Variants in PDZD2 observed in about 807,000 individuals in gnomAD.
The protein encoded by PDZD2 is PDZ domain-containing protein 2.
A neutral mutation model predicts 220.7 loss-of-function variants in PDZD2; 90 were observed. The observed-to-expected ratio is 0.41, with a 90% CI of 0.34 to 0.49. The LOEUF (loss-of-function observed/expected upper bound fraction) is 0.49, where lower values mean the gene tolerates loss of function less well. PDZD2 is among the 20% of genes least tolerant of loss of function. The pLI, the probability that PDZD2 is intolerant of heterozygous loss-of-function variation, is 0.28. For missense variants in PDZD2, 3,174 were observed against 3,608.5 expected, an observed-to-expected ratio of 0.88 and a Z score of 3.08; for synonymous variants, 1,375 against 1,450.5, an observed-to-expected ratio of 0.95 and a Z score of 1.18.
intron 7 of PDZD2, among the ~76,000 whole-genome samples, chr5:32,040,187 A>T (rs1176096472): frequency 8.9e-6 from 1 of 112,316 alleles, no homozygotes; most frequent in Non-Finnish European, 1.9e-5. Flanking sequence ...CATCTGGGAG[A>T]TGAGGAGCGC....
At chr5:31,903,644 C>CAAAAAAAAAAAAAAAAAAAAA in intron 2 of PDZD2, among the ~76,000 whole-genome samples, 1 of 99,730 alleles carries the variant, frequency 1.0e-5, no homozygotes, top group Non-Finnish European at 2.0e-5. Flanking sequence ...GACCCTGTCT[C>CAAAAAAAAAAAAAAAAAAAAA]AAAAAAAAAA....
intron 1 of PDZD2, among the ~76,000 whole-genome samples, chr5:31,764,490 C>T (rs1332333232): frequency 3.3e-5 from 5 of 152,202 alleles, no homozygotes; most frequent in African/African-American, 1.2e-4. Flanking sequence ...CCCTCCTGCC[C>T]TCCTGTACAC....
chr5:32,082,022 TTTG>T (rs1742005316), intron 19 of PDZD2, among the ~76,000 whole-genome samples: 1 of 128,206 alleles, frequency 7.8e-6, no homozygotes, highest in Non-Finnish European at 1.7e-5. Context: ...CTGGCATATC[TTTG>T]TTTTTTTTTT....
At position 32,090,292 on chromosome 5, in the gene PDZD2, C is replaced by T; in HGVS notation, c.6844C>T (p.Pro2282Ser). 6.2e-6 allele frequency: 10 copies of T among 1,614,204 alleles called. No individual in the cohort carries two copies. The highest frequency in any genetic ancestry group is 8.5e-6 in the Non-Finnish European group (10 of 1,180,036). ...TGGACAGGGCATATATAGTGTAAAGCCGCTGCTGGACACATCGAGGAATCT... is the reference window on the plus strand; with the variant it reads ...TGGACAGGGCATATATAGTGTAAAGTCGCTGCTGGACACATCGAGGAATCT... The part of the protein sequence containing the change: ...ANGQGIYSVK[P>S]LLDTSRNLPA... Residue 2282 changes from proline to serine, a missense_variant, in exon 20 of 25, where the codon CCG becomes TCG. Pro to Ser is a moderately conservative substitution (Grantham distance 74). Around this residue, in one of 4 missense-constraint regions of PDZD2, gnomAD observed 631 missense variants for 789.9 expected, o/e 0.80. Coordinates refer to ENST00000438447, the MANE Select transcript of PDZD2 (RefSeq NM_178140.4). The surrounding 1 kb of genome is among the most constrained non-coding windows in gnomAD (Gnocchi z 4.3).
rs745729211 is a variant in PDZD2, at chr5:32,089,567, C to T, written c.6119C>T (p.Ala2040Val). 108 of 1,612,156 alleles carry T rather than the reference C, an allele frequency of 6.7e-5. No individual in the cohort carries two copies. The South Asian group carries it at 1.0e-3, about 15-fold the overall frequency. ...GACTCCGGGCCGGTGAGTCCGGCAG[C>T]GTCTAGGAACGGCATGTCCGTGGCA... ...RADSGPVSPAASRNGMSVAGN... is the reference protein window; with the variant it reads ...RADSGPVSPAVSRNGMSVAGN... The change falls in exon 20 of 25, where the codon GCG becomes GTG. Residue 2040 changes from alanine to valine, a missense_variant. This residue lies in a region of PDZD2 where 1,861 missense variants were observed against 2,001.0 expected (regional missense o/e 0.93). Coordinates refer to ENST00000438447, the MANE Select transcript of PDZD2 (RefSeq NM_178140.4).
chr5:31,719,275 G>A (rs181099073), intron 1 of PDZD2, among the ~76,000 whole-genome samples: 65 of 152,182 alleles, frequency 4.3e-4, no homozygotes, highest in Non-Finnish European at 8.4e-4. Context: ...CTTTACTAGC[G>A]GAAAATAGGA....
Position 32,074,277 on chromosome 5 carries a change from C to T in PDZD2, c.3171C>T (p.Ala1057=). ...TGGTGGATGCTGCGTCCTATGCAGCCAACCTCACGGACTCTGCAGAGGCCC... is the reference window on the plus strand; with the variant it reads ...TGGTGGATGCTGCGTCCTATGCAGCTAACCTCACGGACTCTGCAGAGGCCC... ...EGMVDAASYA[A]NLTDSAEAPK... Residue 1057 remains alanine (A), a synonymous_variant, in exon 18 of 25, where the codon GCC becomes GCT. Transcript: ENST00000438447. 3 of 1,614,126 alleles carry T rather than the reference C, an allele frequency of 1.9e-6. No homozygotes were observed. The highest frequency in any genetic ancestry group is 1.7e-6 in the Non-Finnish European group (2 of 1,179,958).
At chr5:32,008,876 G>T (rs1009477490) in intron 5 of PDZD2, among the ~76,000 whole-genome samples, 4 of 152,184 alleles carry the variant, frequency 2.6e-5, no homozygotes, top group African/African-American at 9.7e-5. Context: ...CCTTGCCCGC[G>T]TGGGCCTCAG....
At chr5:31,891,794 C>T (rs1741068395) in intron 2 of PDZD2, among the ~76,000 whole-genome samples, 1 of 152,218 alleles carries the variant, frequency 6.6e-6, no homozygotes, top group Non-Finnish European at 1.5e-5. Context: ...GTGCCCAGAT[C>T]ATGCCAGTGT....
rs1453918203 is a variant in PDZD2 at position 31,799,681 on chromosome 5, C to A, written c.433C>A (p.Leu145Met). ...CCGACTGCGGGATGAGATCCTCTCACTGAATGGGCAGCTGATGGTTGGAGT... is the reference window on the plus strand; with the variant it reads ...CCGACTGCGGGATGAGATCCTCTCAATGAATGGGCAGCTGATGGTTGGAGT... Reference protein sequence around the residue: ...KVRLRDEILSLNGQLMVGVDV... With the variant: ...KVRLRDEILSMNGQLMVGVDV... Residue 145 changes from leucine (L) to methionine (M), a missense_variant, in exon 2 of 25, where the codon CTG (leucine) becomes ATG (methionine). Physicochemically the swap from Leu to Met is conservative, Grantham distance 15. This residue lies in a region of PDZD2 where 632 missense variants were observed against 708.1 expected (regional missense o/e 0.89). Transcript: ENST00000438447. The A allele has an allele frequency of 1.2e-6, 2 of 1,613,818 alleles. No individual in the cohort carries two copies. Among genetic ancestry groups the A allele is most frequent in the Non-Finnish European group, 1.7e-6 (2 of 1,179,930 alleles).
intron 1 of PDZD2, among the ~76,000 whole-genome samples, chr5:31,797,094 A>ATTTTTTTTTTTTTTTT (rs756548601): frequency 9.0e-5 from 6 of 66,544 alleles, no homozygotes; most frequent in African/African-American, 3.6e-4. Flanking sequence ...CACCCAGCTA[A>ATTTTTTTTTTTTTTTT]TTTTTTTTTT....
At chr5:32,095,500 A>G (rs938590127) in intron 21 of PDZD2, among the ~76,000 whole-genome samples, 24 of 152,072 alleles carry the variant, frequency 1.6e-4, no homozygotes, top group Non-Finnish European at 3.5e-4. Context: ...GAGGCTGAAA[A>G]CAAACCCTGG....
intron 1 of PDZD2, among the ~76,000 whole-genome samples, chr5:31,644,325 G>A (rs1006402744): frequency 1.3e-5 from 2 of 152,140 alleles, no homozygotes; most frequent in Non-Finnish European, 2.9e-5. Context: ...AGATGGAATT[G>A]GAAAAGAATA....
chr5:31,786,943 T>G (rs1480499932), intron 1 of PDZD2, among the ~76,000 whole-genome samples: 1 of 152,194 alleles, frequency 6.6e-6, no homozygotes, highest in Non-Finnish European at 1.5e-5. Context: ...AACAGCACAC[T>G]TGGTATGAAA....
intron 2 of PDZD2, among the ~76,000 whole-genome samples, chr5:31,867,691 C>T (rs890635209): frequency 5.3e-5 from 8 of 152,240 alleles, no homozygotes; most frequent in South Asian, 2.1e-4. Flanking sequence ...AATGAAGAGA[C>T]GCAAAGCAAA....
chr5:31,796,848 G>A (rs1363779185), intron 1 of PDZD2, among the ~76,000 whole-genome samples: 1 of 151,884 alleles, frequency 6.6e-6, no homozygotes, highest in African/African-American at 2.4e-5. Flanking sequence ...CTACTCTTCA[G>A]TTTGGTTTTC....
intron 1 of PDZD2, among the ~76,000 whole-genome samples, chr5:31,730,092 T>G (rs1450657118): frequency 2.0e-5 from 3 of 152,218 alleles, no homozygotes; most frequent in African/African-American, 7.2e-5. Flanking sequence ...CCTCCCAAAG[T>G]GCTGGGATTA....
intron 1 of PDZD2, among the ~76,000 whole-genome samples, chr5:31,775,508 T>G (rs1752590161): frequency 6.6e-6 from 1 of 152,096 alleles, no homozygotes. Context: ...GCCTTTCTGA[T>G]GGAAATTTGT....
intron 2 of PDZD2, among the ~76,000 whole-genome samples, chr5:31,891,192 A>C (rs1333968678): frequency 1.2e-4 from 17 of 141,016 alleles, no homozygotes; most frequent in African/African-American, 4.8e-4. Flanking sequence ...GCTGGAGTGC[A>C]ATGGCGCGAT....
Sources: allele counts gnomAD v4.1 joint callset (sites outside exome capture counted in the v4.1 genomes callset), GRCh38; gene constraint gnomAD v4.1.1; regional missense constraint gnomAD v4.1.1; non-coding constraint Gnocchi (gnomAD v3.1); transcripts MANE v1.5; gene names NCBI Gene and HGNC (gene_info 2026-07-23, HGNC 2026-07-21).